MAEA: variants seen among roughly 807,000 people sequenced by gnomAD.
MAEA encodes E3 ubiquitin-protein transferase MAEA.
Under a neutral mutation model 46.2 loss-of-function variants are expected in MAEA, and 22 were observed. The observed-to-expected ratio is 0.48, with a 90% CI of 0.34 to 0.68. The LOEUF is 0.68. Among genes scored for constraint, MAEA ranks in the 30% least tolerant of loss-of-function variants. The pLI is 0.01. For missense variants in MAEA, 393 were observed against 558.1 expected (o/e 0.70, Z 2.98); for synonymous variants, 246 against 222.6 (o/e 1.11, Z -0.94).
intron 1 of MAEA, among the ~76,000 whole-genome samples, chr4:1,294,796 C>T (rs1006248661): frequency 2.6e-4 from 4 of 15,226 alleles, no homozygotes; most frequent in South Asian, 3.4e-3. Flanking sequence ...TGGCAGGGGA[C>T]GGGGGTGGGG....
chr4:1,333,424 C>G (rs1452460491), intron 6 of MAEA, among the ~76,000 whole-genome samples: 1 of 152,122 alleles, frequency 6.6e-6, no homozygotes, highest in Non-Finnish European at 1.5e-5. Flanking sequence ...CCTTGCCTGT[C>G]CCCCTGGTTC....
chr4:1,306,148 G>A (rs1735805502), intron 1 of MAEA, among the ~76,000 whole-genome samples: 1 of 152,146 alleles, frequency 6.6e-6, no homozygotes, highest in South Asian at 2.1e-4. Flanking sequence ...TGCTCTCACA[G>A]TCACACCCAG....
chr4:1,329,677 C>T, intron 5 of MAEA: 1 of 985,564 alleles, frequency 1.0e-6, no homozygotes, highest in Non-Finnish European at 1.2e-6. Context: ...TGGAGCCACC[C>T]ACAAGGCACA....
At chr4:1,301,280 C>A (rs1194645459) in intron 1 of MAEA, among the ~76,000 whole-genome samples, 1 of 152,214 alleles carries the variant, frequency 6.6e-6, no homozygotes, top group Non-Finnish European at 1.5e-5. Flanking sequence ...AGCGGGCGGG[C>A]AGGTGCAGAC....
intron 3 of MAEA, among the ~76,000 whole-genome samples, chr4:1,316,137 C>T (rs1381021421): frequency 6.6e-6 from 1 of 152,144 alleles, no homozygotes; most frequent in Non-Finnish European, 1.5e-5. Context: ...CCATTGCTTC[C>T]TCGTGAGAGC....
At chr4:1,321,462 G>A (rs1012638119) in intron 3 of MAEA, among the ~76,000 whole-genome samples, 20 of 152,212 alleles carry the variant, frequency 1.3e-4, no homozygotes, top group African/African-American at 4.8e-4. Flanking sequence ...AGGGGTTTCA[G>A]AAACAAGAAA....
rs1394934621 is a variant in MAEA at position 1,311,155 on chromosome 4, T to G, written c.70-824T>G. Among the ~76,000 whole-genome samples the G allele has an allele frequency of 6.6e-6, 1 of 152,178 alleles. No individual in the cohort carries two copies. The highest frequency in any genetic ancestry group is 2.4e-5 in the African/African-American group (1 of 41,444). Reference sequence around the variant, plus strand: ...ACGGCAGAGTTGGGCCCACTGCTCTTGGGCGGCAGCACGGCCGTGTTGCTG... The same window carrying G: ...ACGGCAGAGTTGGGCCCACTGCTCTGGGGCGGCAGCACGGCCGTGTTGCTG... On this transcript the variant is annotated intron_variant, in intron 1 of 8. Coordinates refer to ENST00000303400, the MANE Select transcript of MAEA (RefSeq NM_001017405.3). This position sits in a 1 kb window ranked among gnomAD's most constrained non-coding sequence, Gnocchi z 4.4.
intron 5 of MAEA, chr4:1,328,560 C>A (rs1739137198): frequency 8.8e-7 from 1 of 1,132,394 alleles, no homozygotes; most frequent in South Asian, 1.6e-5. Context: ...GAGTGCCCAG[C>A]AGGTGTGTTT....
intron 1 of MAEA, among the ~76,000 whole-genome samples, chr4:1,298,368 T>C (rs1734981171): frequency 6.6e-6 from 1 of 152,136 alleles, no homozygotes; most frequent in South Asian, 2.1e-4. Flanking sequence ...ACACGCGCCG[T>C]CTTCTGGTTA....
intron 7 of MAEA, 29 bp from the exon 8 acceptor site, chr4:1,338,393 C>A (rs774468111): frequency 2.7e-5 from 43 of 1,589,952 alleles, no homozygotes; most frequent in Non-Finnish European, 3.4e-5. Flanking sequence ...CCTGAGTGGC[C>A]CCCAACCCTT....
intron 5 of MAEA, chr4:1,328,635 G>T (rs1180711374): frequency 7.9e-7 from 1 of 1,267,202 alleles, no homozygotes; most frequent in East Asian, 5.7e-5. Context: ...CACCTGCAGT[G>T]GGCCGGGTGG....
At position 1,329,808 on chromosome 4, in the gene MAEA, G is replaced by A. The variant is rs1402895713; in HGVS notation, c.656+2105G>A. On this transcript the variant is annotated intron_variant, in intron 5 of 8. Transcript: ENST00000303400. The stretch of plus-strand genomic sequence containing the variant: ...TATCACTCACTGAGGCTGGACAAGA[G>A]GGAAGGCGGAGAAGCCTGGCCACAT... The A allele has an allele frequency of 4.1e-6, 4 of 985,530 alleles. No homozygotes were observed. In the South Asian group the frequency reaches 1.9e-4, roughly 46 times the overall value. The allele number at this position is 985,530 out of a possible 1,614,324, so 61.0% of individuals were successfully genotyped here. A position where few individuals can be genotyped will look rare whatever the true frequency, so the allele number is the denominator to read the frequency against.
chr4:1,329,465 A>C, intron 5 of MAEA: 1 of 985,232 alleles, frequency 1.0e-6, no homozygotes, highest in Non-Finnish European at 1.2e-6. Context: ...AGGTCCCAGG[A>C]AGTGCGTGTC....
In MAEA at chr4:1,327,637, A is replaced by G. The variant is rs1364719991; in HGVS notation, c.590A>G (p.Glu197Gly). Residue 197 changes from glutamate to glycine, a missense_variant, in exon 5 of 9, where the codon GAG (glutamate) becomes GGG (glycine). This residue lies in a region of MAEA where 358 missense variants were observed against 537.9 expected (regional missense o/e 0.67). Transcript: ENST00000303400. ...TGTCTTTGCCCTCAGAGCTGCCTGG[A>G]GTTCAGCCTCAGAATCCAGGAGTTC... is the stretch of plus-strand genomic sequence containing the variant. ...SRLRKMKSCL[E>G]FSLRIQEFIE... is the part of the protein sequence containing the mutation. 6.2e-7 allele frequency: 1 copy of G among 1,613,830 alleles called. No homozygotes were observed. The highest frequency in any genetic ancestry group is 1.7e-5 in the Admixed American group (1 of 60,026).
At position 1,338,837 on chromosome 4, in the gene MAEA, A is replaced by T. The variant is rs961720012; in HGVS notation, c.1095+220A>T. 7 of 650,074 alleles carry T rather than the reference A, an allele frequency of 1.1e-5. No individual in the cohort carries two copies. In the East Asian group the frequency reaches 1.9e-4, roughly 18 times the overall value. The allele number at this position is 650,074 out of a possible 1,614,324, so 40.3% of individuals were successfully genotyped here. A position where few individuals can be genotyped will look rare whatever the true frequency, so the allele number is the denominator to read the frequency against. ...CGGGGCCAGGCTGGCACACGTCGCC[A>T]TTGGGACAGGGCTGTCCTCTCGCCC... On this transcript the variant is annotated intron_variant, in intron 8 of 8. Coordinates refer to ENST00000303400, the MANE Select transcript of MAEA (RefSeq NM_001017405.3).
At chr4:1,293,571 C>T (rs1236601270) in intron 1 of MAEA, among the ~76,000 whole-genome samples, 1 of 152,212 alleles carries the variant, frequency 6.6e-6, no homozygotes, top group African/African-American at 2.4e-5. Flanking sequence ...AAGTGGTGTT[C>T]ATCACCTGGA....
chr4:1,333,871 TCA>T lies in MAEA; in HGVS notation c.765+1008_765+1009del, dbSNP rs1275255035. Among the ~76,000 whole-genome samples, 2 of 5,968 alleles carry T rather than the reference TCA, an allele frequency of 3.4e-4. 1 individual carries two copies. Among genetic ancestry groups the T allele is most frequent in the African/African-American group, 1.6e-3 (2 of 1,272 alleles). 3.9% of individuals were successfully genotyped at this position (5,968 alleles called of 152,430 possible). ...CCCCTGCCCACCCCCATGCCCGTGC[TCA>T]CCTCTGCACCCACCCCATGCCCACC... On this transcript the variant is annotated intron_variant, in intron 6 of 8. Coordinates refer to ENST00000303400, the MANE Select transcript of MAEA (RefSeq NM_001017405.3).
chr4:1,314,917 C>G (rs1458261812), intron 2 of MAEA, among the ~76,000 whole-genome samples: 4 of 152,230 alleles, frequency 2.6e-5, no homozygotes, highest in Non-Finnish European at 4.4e-5. Context: ...TCCTCAGTTG[C>G]ACCACTGCCC....
intron 1 of MAEA, among the ~76,000 whole-genome samples, chr4:1,297,086 G>T (rs1273779288): frequency 6.6e-6 from 1 of 152,164 alleles, no homozygotes; most frequent in African/African-American, 2.4e-5. Context: ...TCAAAGATAC[G>T]ATACCAGGCG....
Sources: allele counts gnomAD v4.1 joint callset (sites outside exome capture counted in the v4.1 genomes callset), GRCh38; gene constraint gnomAD v4.1.1; regional missense constraint gnomAD v4.1.1; non-coding constraint Gnocchi (gnomAD v3.1); transcripts MANE v1.5; gene names NCBI Gene and HGNC (gene_info 2026-07-23, HGNC 2026-07-21).